The following RPH3A variants were observed in gnomAD, a reference collection of about 807,000 sequenced individuals.
The protein encoded by RPH3A is rabphilin-3A.
RPH3A carries 48 observed loss-of-function variants against 102.2 expected under a neutral mutation model. The observed-to-expected ratio is 0.47, with a 90% CI of 0.37 to 0.60. RPH3A has a LOEUF of 0.60. Ranked by LOEUF, RPH3A falls within the 20% of genes least tolerant of loss-of-function variation. The pLI is 0.00. For missense variants in RPH3A, 781 were observed against 910.1 expected, an observed-to-expected ratio of 0.86 and a Z score of 1.83; for synonymous variants, 310 against 324.3, an observed-to-expected ratio of 0.96 and a Z score of 0.47.
chr12:112,756,354 A>G (rs2040823451), intron 1 of RPH3A, among the ~76,000 whole-genome samples: 1 of 152,126 alleles, frequency 6.6e-6, no homozygotes, highest in Non-Finnish European at 1.5e-5. Flanking sequence ...CTGGGATTAC[A>G]GGTATGCACC....
chr12:112,869,852 T>G (rs199945677), intron 9 of RPH3A, 41 bp from the exon 10 acceptor site: 1 of 1,614,160 alleles, frequency 6.2e-7, no homozygotes, highest in East Asian at 2.2e-5. Flanking sequence ...CCTAATTCCC[T>G]CGATGCCCTT....
At chr12:112,719,431 A>G (rs34431709) in intron 1 of RPH3A, among the ~76,000 whole-genome samples, 8 of 152,278 alleles carry the variant, frequency 5.3e-5, no homozygotes, top group Admixed American at 2.6e-4. Context: ...TTATGCACCA[A>G]TTCCCCATGG....
intron 4 of RPH3A, chr12:112,842,102 G>A (rs1255591178): frequency 1.8e-5 from 8 of 450,720 alleles, no homozygotes; most frequent in Non-Finnish European, 3.6e-5. Context: ...TCCCACCCCT[G>A]GGTCAGTGAC....
chr12:112,729,286 CT>C (rs2040617025), intron 1 of RPH3A, among the ~76,000 whole-genome samples: 2 of 152,078 alleles, frequency 1.3e-5, no homozygotes, highest in Admixed American at 1.3e-4. Context: ...AGCTAGGAGA[CT>C]GAAATCCTCC....
chr12:112,646,077 G>A (rs553453426), intron 1 of RPH3A, among the ~76,000 whole-genome samples: 3 of 152,304 alleles, frequency 2.0e-5, no homozygotes, highest in African/African-American at 7.2e-5. Flanking sequence ...AGTCTGGTGG[G>A]AGAGTTGCAG....
intron 1 of RPH3A, among the ~76,000 whole-genome samples, chr12:112,575,515 C>A (rs1034211867): frequency 6.6e-6 from 1 of 151,856 alleles, no homozygotes; most frequent in Non-Finnish European, 1.5e-5. Flanking sequence ...CGGGGAGACC[C>A]GCGCAGGACC....
At chr12:112,725,276 A>C (rs796954419) in intron 1 of RPH3A, among the ~76,000 whole-genome samples, 12 of 150,436 alleles carry the variant, frequency 8.0e-5, no homozygotes, top group African/African-American at 1.5e-4. Context: ...AAAAAAAAAA[A>C]AAACACGTTT....
chr12:112,885,794 T>A (rs1325173786), intron 16 of RPH3A, among the ~76,000 whole-genome samples: 2 of 152,208 alleles, frequency 1.3e-5, no homozygotes, highest in African/African-American at 4.8e-5. Flanking sequence ...TTTTTAAATG[T>A]ACAATTAAAT....
At chr12:112,768,456 T>G (rs1423164128) in intron 1 of RPH3A, among the ~76,000 whole-genome samples, 1 of 152,232 alleles carries the variant, frequency 6.6e-6, no homozygotes, top group Non-Finnish European at 1.5e-5. Context: ...TTGCTGCTCC[T>G]CACACCTATG....
chr12:112,782,414 C>A (rs1242295783), intron 1 of RPH3A, among the ~76,000 whole-genome samples: 1 of 152,230 alleles, frequency 6.6e-6, no homozygotes. Flanking sequence ...AAAAGAGGAG[C>A]TTCAATCTGG....
chr12:112,690,011 T>C (rs1424010430), intron 1 of RPH3A, among the ~76,000 whole-genome samples: 1 of 152,184 alleles, frequency 6.6e-6, no homozygotes, highest in East Asian at 1.9e-4. Flanking sequence ...GGAGGGGATA[T>C]TTTCCTTTAG....
At position 112,698,923 on chromosome 12, in the gene RPH3A, G is replaced by A. The variant is rs971013009; in HGVS notation, c.-139-93220G>A. Among the ~76,000 whole-genome samples, 22 of 15,922 alleles carry A rather than the reference G, an allele frequency of 1.4e-3. 1 individual carries two copies. The East Asian group carries it at 0.025, about 18-fold the overall frequency. 10.4% of individuals were successfully genotyped at this position (15,922 alleles called of 152,430 possible). On this transcript the variant is annotated intron_variant, in intron 1 of 21. Coordinates refer to the RPH3A transcript ENST00000543106. ...CCTTCCTCCTCCCCCTCCTCCCCCCGCCCTTCTCCTCCTCCTCCTTCTTCC... is the reference window on the plus strand; with the variant it reads ...CCTTCCTCCTCCCCCTCCTCCCCCCACCCTTCTCCTCCTCCTCCTTCTTCC...
chr12:112,896,991 T>G lies in RPH3A; in HGVS notation c.*211T>G. ...GGATGTGGGCTCTGAATACAGCCCC[T>G]CTCTCATCCCTGGGATGGAGCAATG... On this transcript the variant is annotated 3_prime_UTR_variant, in exon 22 of 22. Coordinates refer to ENST00000389385, the MANE Select transcript of RPH3A (RefSeq NM_001143854.2). 1 of 548,596 alleles carries G rather than the reference T, an allele frequency of 1.8e-6. No individual in the cohort carries two copies. The highest frequency in any genetic ancestry group is 3.0e-5 in the East Asian group (1 of 32,792). 34.0% of individuals were successfully genotyped at this position (548,596 alleles called of 1,614,324 possible).
chr12:112,712,926 T>TCCTTCTCCTTCTCCTTCTC (rs2040477925), intron 1 of RPH3A, among the ~76,000 whole-genome samples: 1 of 50,686 alleles, frequency 2.0e-5, no homozygotes, highest in African/African-American at 8.3e-5. Flanking sequence ...TTCTTCTTCC[T>TCCTTCTCCTTCTCCTTCTC]CTTCTTCTTC....
intron 2 of RPH3A, among the ~76,000 whole-genome samples, chr12:112,802,572 T>C (rs1363909888): frequency 1.3e-5 from 2 of 152,066 alleles, no homozygotes; most frequent in African/African-American, 4.8e-5. Context: ...TATGTGGTGC[T>C]GTGAGTATAG....
chr12:112,821,102 G>A (rs1220526672), intron 2 of RPH3A, among the ~76,000 whole-genome samples: 1 of 152,186 alleles, frequency 6.6e-6, no homozygotes, highest in East Asian at 1.9e-4. Flanking sequence ...GACTGGATGT[G>A]TAAGGGCTGC....
intron 1 of RPH3A, among the ~76,000 whole-genome samples, chr12:112,630,184 C>T (rs1288946857): frequency 6.6e-6 from 1 of 152,150 alleles, no homozygotes; most frequent in Non-Finnish European, 1.5e-5. Flanking sequence ...TCCATCCACC[C>T]ATCCAATTAT....
chr12:112,665,698 T>C (rs1033499859), intron 1 of RPH3A, among the ~76,000 whole-genome samples: 12 of 152,238 alleles, frequency 7.9e-5, no homozygotes, highest in Admixed American at 7.9e-4. Flanking sequence ...TATCAGGCTT[T>C]CCTCAAATTT....
intron 1 of RPH3A, among the ~76,000 whole-genome samples, chr12:112,679,974 G>C (rs1342405476): frequency 6.6e-6 from 1 of 152,216 alleles, no homozygotes. Flanking sequence ...CTGAGATGGG[G>C]CATTTTAGCC....
Sources: allele counts gnomAD v4.1 joint callset (sites outside exome capture counted in the v4.1 genomes callset), GRCh38; gene constraint gnomAD v4.1.1; transcripts MANE v1.5; gene names NCBI Gene and HGNC (gene_info 2026-07-23, HGNC 2026-07-21).